The following DLG2 variants were observed in gnomAD, a reference collection of about 807,000 sequenced individuals.
DLG2 encodes the protein discs large MAGUK scaffold protein 2.
A neutral mutation model predicts 132.5 loss-of-function variants in DLG2; 45 were observed. That is an observed-to-expected ratio of 0.34 (90% CI 0.27 to 0.44). The LOEUF is 0.44. Among genes scored for constraint, DLG2 ranks in the 20% least tolerant of loss-of-function variants. DLG2 has a pLI of 1.00. For missense variants in DLG2, 1,045 were observed against 1,196.9 expected, an observed-to-expected ratio of 0.87 and a Z score of 1.87; for synonymous variants, 424 against 419.6, an observed-to-expected ratio of 1.01 and a Z score of -0.13.
At chr11:83,522,442 G>A (rs2095505020) in intron 21 of DLG2, among the ~76,000 whole-genome samples, 1 of 151,772 alleles carries the variant, frequency 6.6e-6, no homozygotes, top group South Asian at 2.1e-4. Flanking sequence ...CCTATTTATT[G>A]AAATAAAAGG....
At chr11:85,293,300 C>T (rs72950167) in intron 3 of DLG2, among the ~76,000 whole-genome samples, 7,565 of 152,040 alleles carry the variant, frequency 0.05, 243 homozygotes, top group East Asian at 0.095. Flanking sequence ...TGGTGGCTTA[C>T]GCCTGTAATC....
intron 6 of DLG2, among the ~76,000 whole-genome samples, chr11:84,857,925 G>A (rs1024347277): frequency 1.3e-5 from 2 of 150,890 alleles, no homozygotes; most frequent in Non-Finnish European, 2.9e-5. Flanking sequence ...AGGTCTCACT[G>A]TGTGTCATGC....
chr11:84,965,172 C>T (rs2053148531), intron 6 of DLG2, among the ~76,000 whole-genome samples: 1 of 152,078 alleles, frequency 6.6e-6, no homozygotes, highest in Non-Finnish European at 1.5e-5. Context: ...TGTTCTGTAT[C>T]ACAGCATCTT....
chr11:83,967,651 A>T lies in DLG2; in HGVS notation c.1057-2183T>A, dbSNP rs561496976. Among the ~76,000 whole-genome samples, 3 of 152,098 alleles carry T rather than the reference A, an allele frequency of 2.0e-5. No homozygotes were observed. The South Asian group carries it at 6.2e-4, about 32-fold the overall frequency. On this transcript the variant is annotated intron_variant, in intron 12 of 27. Coordinates refer to ENST00000376104, the MANE Select transcript of DLG2 (RefSeq NM_001142699.3). The stretch of plus-strand genomic sequence containing the variant: ...TGGTTATTAACCTATCATCAGATAT[A>T]TGGTTTGCAATTTTTTCCCAATTTG...
chr11:84,123,993 C>T (rs748236727), intron 9 of DLG2, among the ~76,000 whole-genome samples: 1 of 152,126 alleles, frequency 6.6e-6, no homozygotes, highest in Non-Finnish European at 1.5e-5. Context: ...AAAATAAAGT[C>T]GGTTGAGAGC....
intron 10 of DLG2, among the ~76,000 whole-genome samples, chr11:84,081,441 G>GA (rs67573011): frequency 0.74 from 110,512 of 149,170 alleles, 42,329 homozygotes; most frequent in Middle Eastern, 0.9. Context: ...AAAGAAAAAA[G>GA]AAAAAAAAAA....
intron 6 of DLG2, among the ~76,000 whole-genome samples, chr11:84,711,775 C>A (rs977430339): frequency 2.0e-5 from 3 of 152,034 alleles, no homozygotes; most frequent in Non-Finnish European, 2.9e-5. Context: ...ATTGGGTCTA[C>A]CAATTTAATC....
chr11:85,432,234 C>T (rs2091234197), intron 3 of DLG2, among the ~76,000 whole-genome samples: 1 of 152,144 alleles, frequency 6.6e-6, no homozygotes, highest in South Asian at 2.1e-4. Flanking sequence ...AATGAAGAAA[C>T]ATTGAAAACC....
Position 85,597,888 on chromosome 11 carries a change from G to C in DLG2, c.40+769C>G, listed in dbSNP as rs920486505. 1.3e-4 allele frequency among the ~76,000 whole-genome samples: 19 copies of C among 148,794 alleles called. No homozygotes were observed. The East Asian group carries it at 3.5e-3, about 27-fold the overall frequency. On this transcript the variant is annotated intron_variant, in intron 3 of 27. Coordinates refer to ENST00000376104, the MANE Select transcript of DLG2 (RefSeq NM_001142699.3). ...AATTGAGTGGGTTTTTCATTGTTTA[G>C]TTAGTTGGTTGTTTTTTTGGGAAAA... is the stretch of plus-strand genomic sequence containing the variant.
chr11:83,950,190 C>A (rs751330124), intron 14 of DLG2, among the ~76,000 whole-genome samples: 1 of 152,168 alleles, frequency 6.6e-6, no homozygotes, highest in Non-Finnish European at 1.5e-5. Context: ...AAAGGTATTA[C>A]ACAAATATCA....
rs2099205366 is a variant in DLG2 at position 84,501,530 on chromosome 11, C to T, written c.519+33040G>A. Among the ~76,000 whole-genome samples the T allele has an allele frequency of 2.0e-5, 3 of 152,132 alleles. No individual in the cohort carries two copies. The South Asian group carries it at 6.2e-4, about 32-fold the overall frequency. ...GGAGTGAGCTGAGATCGTGCTAATGCACTCCAGCCTGGGTGACAGAGCCGA... is the reference window on the plus strand; with the variant it reads ...GGAGTGAGCTGAGATCGTGCTAATGTACTCCAGCCTGGGTGACAGAGCCGA... On this transcript the variant is annotated intron_variant, in intron 7 of 27. Transcript: ENST00000376104.
intron 2 of DLG2, among the ~76,000 whole-genome samples, chr11:85,604,667 G>T (rs1223784401): frequency 6.6e-6 from 1 of 151,998 alleles, no homozygotes; most frequent in African/African-American, 2.4e-5. Context: ...TTACTTGAGG[G>T]CAGGCACAGG....
At chr11:85,233,687 G>A (rs969931913) in intron 4 of DLG2, among the ~76,000 whole-genome samples, 5 of 150,658 alleles carry the variant, frequency 3.3e-5, no homozygotes, top group African/African-American at 1.2e-4. Context: ...ATTCTACTCT[G>A]GATCCTTAAT....
intron 6 of DLG2, among the ~76,000 whole-genome samples, chr11:85,102,764 T>C (rs1290065699): frequency 6.6e-6 from 1 of 151,944 alleles, no homozygotes; most frequent in African/African-American, 2.4e-5. Flanking sequence ...GTACTGAAGA[T>C]TCTAGCCACA....
intron 6 of DLG2, among the ~76,000 whole-genome samples, chr11:84,912,512 T>C (rs1174528268): frequency 6.6e-6 from 1 of 152,264 alleles, no homozygotes; most frequent in East Asian, 1.9e-4. Context: ...TGGGGCTTTT[T>C]TTGTCTAAAG....
intron 6 of DLG2, among the ~76,000 whole-genome samples, chr11:84,853,900 G>C (rs1231610859): frequency 6.6e-6 from 1 of 152,020 alleles, no homozygotes; most frequent in South Asian, 2.1e-4. Flanking sequence ...TTTGATCCGA[G>C]TGGGAGTTAG....
chr11:84,327,630 A>G (rs1306213437), intron 7 of DLG2, among the ~76,000 whole-genome samples: 1 of 152,166 alleles, frequency 6.6e-6, no homozygotes, highest in Non-Finnish European at 1.5e-5. Context: ...TACATAAGAC[A>G]TCTTGCAGTT....
At chr11:85,357,095 T>C (rs922330283) in intron 3 of DLG2, among the ~76,000 whole-genome samples, 1 of 152,104 alleles carries the variant, frequency 6.6e-6, no homozygotes, top group African/African-American at 2.4e-5. Flanking sequence ...TTGTAACTAT[T>C]AGTACTTTTT....
intron 15 of DLG2, among the ~76,000 whole-genome samples, chr11:83,927,272 C>T (rs544706686): frequency 4.6e-5 from 7 of 152,158 alleles, no homozygotes; most frequent in Middle Eastern, 3.4e-3. Context: ...CCACTCATTG[C>T]GCTTACAGTG....
Sources: allele counts gnomAD v4.1 joint callset (sites outside exome capture counted in the v4.1 genomes callset), GRCh38; gene constraint gnomAD v4.1.1; transcripts MANE v1.5; gene names NCBI Gene and HGNC (gene_info 2026-07-23, HGNC 2026-07-21).